Variants in UNC13B observed in about 807,000 individuals in gnomAD.
UNC13B encodes the protein protein unc-13 homolog B.
UNC13B carries 144 observed loss-of-function variants against 211.0 expected under a neutral mutation model. That is an observed-to-expected ratio of 0.68 (90% CI 0.60 to 0.78). The LOEUF (loss-of-function observed/expected upper bound fraction) is 0.78, where lower values mean the gene tolerates loss of function less well. UNC13B is among the 30% of genes least tolerant of loss of function. The pLI is 0.00. For missense variants in UNC13B, 1,777 were observed against 2,002.0 expected (o/e 0.89, Z 2.14); for synonymous variants, 709 against 725.8 (o/e 0.98, Z 0.37).
chr9:35,376,675 G>A (rs960420595), intron 15 of UNC13B, among the ~76,000 whole-genome samples: 1 of 152,214 alleles, frequency 6.6e-6, no homozygotes, highest in African/African-American at 2.4e-5. Flanking sequence ...CTAGGACTCA[G>A]GGAAGGCAGC....
intron 1 of UNC13B, among the ~76,000 whole-genome samples, chr9:35,192,149 G>A (rs958961347): frequency 1.3e-5 from 2 of 152,118 alleles, no homozygotes; most frequent in Admixed American, 6.5e-5. Flanking sequence ...CATTTTTAAG[G>A]TTTGGAAAAT....
chr9:35,402,518 G>C (rs200345752), intron 37 of UNC13B, among the ~76,000 whole-genome samples: 1 of 151,842 alleles, frequency 6.6e-6, no homozygotes, highest in Non-Finnish European at 1.5e-5. Flanking sequence ...TCCTGACCTC[G>C]TGATCCCCCC....
chr9:35,375,973 C>G, intron 14 of UNC13B, 55 bp from the exon 15 acceptor site: 1 of 1,577,056 alleles, frequency 6.3e-7, no homozygotes, highest in Non-Finnish European at 8.7e-7. Context: ...GAGCAAGACT[C>G]TGTCTCAAAA....
At chr9:35,262,667 A>ACAC (rs1217163226) in intron 7 of UNC13B, among the ~76,000 whole-genome samples, 1 of 152,188 alleles carries the variant, frequency 6.6e-6, no homozygotes, top group African/African-American at 2.4e-5. Context: ...ACTGTGGCTC[A>ACAC]CACCTGTAAT....
At chr9:35,221,940 C>G (rs904936090) in intron 1 of UNC13B, among the ~76,000 whole-genome samples, 1 of 152,174 alleles carries the variant, frequency 6.6e-6, no homozygotes, top group South Asian at 2.1e-4. Flanking sequence ...ATTGCCTTGG[C>G]AATTTTGTTG....
rs79732309 is a variant in UNC13B, at chr9:35,377,830, T to A, written c.10063+135T>A. 7,004 of 927,334 alleles carry A rather than the reference T, an allele frequency of 7.6e-3. 344 individuals carry two copies. The African/African-American group carries it at 0.11, about 14-fold the overall frequency. The allele number at this position is 927,334 out of a possible 1,614,324, so 57.4% of individuals were successfully genotyped here. A position where few individuals can be genotyped will look rare whatever the true frequency, so the allele number is the denominator to read the frequency against. On this transcript the variant is annotated intron_variant, in intron 16 of 39. Coordinates refer to ENST00000635942, the MANE Select transcript of UNC13B (RefSeq NM_001371189.2). The stretch of plus-strand genomic sequence containing the variant: ...GAAATCACTGGGAAGGAAAGGCCTC[T>A]TTATTAATCACTTCTCCTTACCTAG...
At chr9:35,332,261 C>T (rs545819923) in intron 11 of UNC13B, among the ~76,000 whole-genome samples, 2 of 152,332 alleles carry the variant, frequency 1.3e-5, no homozygotes, top group South Asian at 4.1e-4. Flanking sequence ...CCCAACTAGC[C>T]TTTGTAAGCA....
chr9:35,309,926 A>G (rs1161698534), intron 9 of UNC13B, among the ~76,000 whole-genome samples: 1 of 152,206 alleles, frequency 6.6e-6, no homozygotes, highest in Non-Finnish European at 1.5e-5. Context: ...GCAGATGAGG[A>G]AACTGAGATG....
intron 11 of UNC13B, among the ~76,000 whole-genome samples, chr9:35,334,032 C>G (rs1313845852): frequency 6.6e-6 from 1 of 151,032 alleles, no homozygotes; most frequent in Non-Finnish European, 1.5e-5. Flanking sequence ...GTGGTGTGAT[C>G]TTGGCTTACT....
intron 12 of UNC13B, among the ~76,000 whole-genome samples, chr9:35,367,569 C>G (rs1472812381): frequency 6.6e-6 from 1 of 151,970 alleles, no homozygotes; most frequent in Non-Finnish European, 1.5e-5. Context: ...CTGTAGTCAC[C>G]CTGCTGTGCT....
intron 7 of UNC13B, among the ~76,000 whole-genome samples, chr9:35,270,339 ATGTGTGTG>A (rs67433459): frequency 2.7e-5 from 4 of 150,352 alleles, no homozygotes; most frequent in Admixed American, 6.6e-5. Context: ...ATGTATATAT[ATGTGTGTG>A]TGTGTGTGTG....
intron 11 of UNC13B, chr9:35,353,470 G>A (rs984954082): frequency 1.6e-6 from 2 of 1,232,230 alleles, no homozygotes; most frequent in Non-Finnish European, 2.0e-6. Context: ...CTGGGAGTCA[G>A]GGGAGTGAAA....
intron 1 of UNC13B, among the ~76,000 whole-genome samples, chr9:35,210,622 C>T (rs1466960263): frequency 1.3e-5 from 2 of 151,850 alleles, no homozygotes; most frequent in Admixed American, 1.3e-4. Context: ...CTCCTGGGTT[C>T]AAGCGAGTCT....
Position 35,396,883 on chromosome 9 carries a change from G to A in UNC13B, c.11478G>A (p.Glu3826=), listed in dbSNP as rs763657356. 16 of 1,614,184 alleles carry A rather than the reference G, an allele frequency of 9.9e-6. No homozygotes were observed. Among genetic ancestry groups the A allele is most frequent in the Non-Finnish European group, 1.4e-5 (16 of 1,180,040 alleles). ...QFVLQWLDEN[E]DVSLEFLRGA... ...TGCTACAATGGCTGGATGAGAATGA[G>A]GATGTATCCCTGGAATTCCTGCGTG... is the stretch of plus-strand genomic sequence containing the variant. The change falls in exon 28 of 40, where the codon GAG becomes GAA. Residue 3826 remains glutamate, a synonymous_variant. Coordinates refer to ENST00000635942, the MANE Select transcript of UNC13B (RefSeq NM_001371189.2).
intron 11 of UNC13B, chr9:35,351,657 G>C (rs190136249): frequency 8.1e-7 from 1 of 1,232,258 alleles, no homozygotes; most frequent in East Asian, 3.2e-5. Context: ...GGCCCTGCTG[G>C]ATCCTTACCA....
At chr9:35,350,218 G>A (rs1832626701) in intron 11 of UNC13B, among the ~76,000 whole-genome samples, 1 of 152,116 alleles carries the variant, frequency 6.6e-6, no homozygotes, top group Admixed American at 6.5e-5. Flanking sequence ...GGTAATCATC[G>A]TCTCTGCCTC....
chr9:35,318,391 C>T (rs1413537267), intron 11 of UNC13B, among the ~76,000 whole-genome samples: 1 of 152,102 alleles, frequency 6.6e-6, no homozygotes, highest in African/African-American at 2.4e-5. Flanking sequence ...TTTTGCCCCG[C>T]TGCCGCCCCG....
At chr9:35,354,274 G>C (rs1306998678) in intron 11 of UNC13B, among the ~76,000 whole-genome samples, 1 of 152,176 alleles carries the variant, frequency 6.6e-6, no homozygotes, top group Non-Finnish European at 1.5e-5. Context: ...CTTCTCTGTG[G>C]ATTTGTTGCT....
At position 35,184,811 on chromosome 9, in the gene UNC13B, G is replaced by T. The variant is rs1386427518; in HGVS notation, c.22+22506G>T. 1.4e-4 allele frequency among the ~76,000 whole-genome samples: 12 copies of T among 87,612 alleles called. No homozygotes were observed. In the East Asian group the frequency reaches 1.4e-3, roughly 10 times the overall value. The allele number at this position is 87,612 out of a possible 152,430, so 57.5% of individuals were successfully genotyped here. The stretch of plus-strand genomic sequence containing the variant: ...AGAAAGAGAAAGAAGCGGGGGGGGG[G>T]GGGGAGAGAGAGAGAGAGAGAGGAG... On this transcript the variant is annotated intron_variant, in intron 1 of 39. Coordinates refer to ENST00000635942, the MANE Select transcript of UNC13B (RefSeq NM_001371189.2).
Sources: gnomAD v4.1 joint callset for allele counts (sites outside exome capture counted in the v4.1 genomes callset) on GRCh38, gnomAD v4.1.1 for gene constraint, MANE v1.5 for transcripts, NCBI Gene and HGNC (gene_info 2026-07-23, HGNC 2026-07-21) for gene names.